Variants in WDR43 observed in about 807,000 individuals in gnomAD.
WDR43 encodes WD repeat-containing protein 43.
In WDR43, 13 loss-of-function variants were observed where a neutral mutation model predicts 91.4. The observed-to-expected ratio is 0.14, with a 90% CI of 0.09 to 0.23. The LOEUF (loss-of-function observed/expected upper bound fraction) is 0.23. WDR43 is among the 10% of genes least tolerant of loss of function. WDR43 has a pLI of 1.00. For missense variants in WDR43, 780 were observed against 809.4 expected (o/e 0.96, Z 0.44); for synonymous variants, 331 against 287.9 (o/e 1.15, Z -1.51).
rs182453338 is a variant in WDR43, at chr2:28,946,541, C to T, written c.1854+42C>T. 24 of 1,596,446 alleles carry T rather than the reference C, an allele frequency of 1.5e-5. No homozygotes were observed. The African/African-American group carries it at 3.2e-4, about 21-fold the overall frequency. On this transcript the variant is annotated intron_variant, in intron 17 of 17. Coordinates refer to ENST00000407426, the MANE Select transcript of WDR43 (RefSeq NM_015131.3). ...CTGTATATACATCGGCCTTTATATCCTCATACTCTGTAAGAATGAGACCTT... is the reference window on the plus strand; with the variant it reads ...CTGTATATACATCGGCCTTTATATCTTCATACTCTGTAAGAATGAGACCTT...
intron 1 of WDR43, among the ~76,000 whole-genome samples, chr2:28,896,449 A>G (rs987327644): frequency 6.6e-6 from 1 of 152,222 alleles, no homozygotes; most frequent in African/African-American, 2.4e-5. Context: ...TATTATTAAT[A>G]TCTGATATTT....
intron 3 of WDR43, 60 bp downstream of exon 3, chr2:28,906,641 G>A (rs1670687677): frequency 1.3e-6 from 2 of 1,560,076 alleles, no homozygotes; most frequent in Middle Eastern, 3.4e-4. Context: ...TGGACTTGTG[G>A]GGAATGCAGA....
intron 13 of WDR43, 118 bp from the exon 14 acceptor site, chr2:28,937,813 G>T: frequency 1.1e-6 from 1 of 913,210 alleles, no homozygotes; most frequent in Non-Finnish European, 1.7e-6. Context: ...ATTTATTACA[G>T]TCATTTTCAC....
At chr2:28,913,966 C>A in intron 4 of WDR43, 103 bp from the exon 5 acceptor site, 1 of 1,358,432 alleles carries the variant, frequency 7.4e-7, no homozygotes, top group Non-Finnish European at 1.0e-6. Flanking sequence ...TGGAGCTCTC[C>A]TTTCCGATAT....
At chr2:28,898,133 C>T (rs1378346450) in intron 1 of WDR43, among the ~76,000 whole-genome samples, 3 of 152,314 alleles carry the variant, frequency 2.0e-5, no homozygotes, top group East Asian at 3.9e-4. Context: ...GAAAGTCTTC[C>T]GACTTTTCTG....
In WDR43 at chr2:28,925,031, C is replaced by G. The variant is rs764602166; in HGVS notation, c.964C>G (p.Pro322Ala). Residue 322 changes from proline (P) to alanine (A), a missense_variant, in exon 8 of 18, where the codon CCT becomes GCT. By Grantham distance (27) the Pro-to-Ala change is conservative. Coordinates refer to ENST00000407426, the MANE Select transcript of WDR43 (RefSeq NM_015131.3). ...AAACTGCACAATTCAGATAGCAACA[C>G]CTGGGAAAGGCAAGAAGTCAACACC... is the stretch of plus-strand genomic sequence containing the variant. ...TSNCTIQIAT[P>A]GKGKKSTPKP... 3.1e-6 allele frequency: 5 copies of G among 1,613,854 alleles called. No individual in the cohort carries two copies. The South Asian group carries it at 4.4e-5, about 14-fold the overall frequency.
chr2:28,944,183 A>C (rs1671498469), intron 16 of WDR43, among the ~76,000 whole-genome samples: 1 of 152,236 alleles, frequency 6.6e-6, no homozygotes, highest in Non-Finnish European at 1.5e-5. Context: ...AGAAGTTTTT[A>C]ATAGTGCCAT....
intron 16 of WDR43, among the ~76,000 whole-genome samples, chr2:28,945,057 A>C (rs1407175875): frequency 6.6e-6 from 1 of 152,228 alleles, no homozygotes; most frequent in Non-Finnish European, 1.5e-5. Flanking sequence ...GTACATGTGT[A>C]ATTCATGGGT....
At chr2:28,911,623 C>A (rs1319630162) in intron 3 of WDR43, among the ~76,000 whole-genome samples, 1 of 150,010 alleles carries the variant, frequency 6.7e-6, no homozygotes, top group Non-Finnish European at 1.5e-5. Flanking sequence ...TATTCAGGTT[C>A]CTACTGTTAC....
chr2:28,911,654 CAG>C (rs1394843765), intron 3 of WDR43, among the ~76,000 whole-genome samples: 2 of 149,182 alleles, frequency 1.3e-5, no homozygotes, highest in East Asian at 2.0e-4. Flanking sequence ...TTTTTGGAGA[CAG>C]AGTCTTGCTC....
At chr2:28,923,067 C>T (rs1671066998) in intron 7 of WDR43, 84 bp downstream of exon 7, 2 of 1,125,050 alleles carry the variant, frequency 1.8e-6, no homozygotes, top group Middle Eastern at 2.7e-4. Flanking sequence ...TTATTCTTTG[C>T]ATCATATTAC....
In WDR43 at chr2:28,906,427, G is replaced by T. The variant is rs926060157; in HGVS notation, c.364-33G>T. The T allele has an allele frequency of 2.0e-6, 3 of 1,503,992 alleles. No individual in the cohort carries two copies. In the African/African-American group the frequency reaches 4.3e-5, roughly 22 times the overall value. The allele number at this position is 1,503,992 out of a possible 1,614,324, so 93.2% of individuals were successfully genotyped here. On this transcript the variant is annotated intron_variant, in intron 2 of 17. Transcript: ENST00000407426. ...ATTTGAGCCCAGGAGTTTGAGACCA[G>T]CCTTAAATTTTTTTTTTTTTTTTAA... is the stretch of plus-strand genomic sequence containing the variant.
At chr2:28,917,848 A>T in intron 5 of WDR43, 45 bp from the exon 6 acceptor site, 1 of 1,528,020 alleles carries the variant, frequency 6.5e-7, no homozygotes, top group Non-Finnish European at 8.8e-7. Flanking sequence ...TTAGGAAGAA[A>T]ATTAAATCTG....
At chr2:28,916,152 T>C (rs1670906024) in intron 5 of WDR43, among the ~76,000 whole-genome samples, 1 of 152,234 alleles carries the variant, frequency 6.6e-6, no homozygotes. Flanking sequence ...TCATGTCTTC[T>C]TGTAATCTCT....
intron 10 of WDR43, 51 bp downstream of exon 10, chr2:28,927,751 G>A: frequency 1.2e-6 from 2 of 1,606,028 alleles, no homozygotes; most frequent in Non-Finnish European, 1.7e-6. Flanking sequence ...TAAAATTACT[G>A]GGAAATTCTA....
Position 28,894,739 on chromosome 2 carries a change from C to T in WDR43, c.41C>T (p.Pro14Leu), listed in dbSNP as rs1290704371. 3.8e-6 allele frequency: 6 copies of T among 1,588,960 alleles called. No individual in the cohort carries two copies. Among genetic ancestry groups the T allele is most frequent in the South Asian group, 1.1e-5 (1 of 88,060 alleles). The change falls in exon 1 of 18, where the codon CCT becomes CTT. Residue 14 changes from proline to leucine, a missense_variant. By Grantham distance (98) the Pro-to-Leu change is moderately conservative (BLOSUM62 -3). Transcript: ENST00000407426. ...GGCGGTAGCTGCGACCCCCTGGCCC[C>T]TGCTGGGGTCCCTTGCGCCTTCTCC... The part of the protein sequence containing the change: ...GGGGSCDPLA[P>L]AGVPCAFSPH...
At position 28,914,925 on chromosome 2, in the gene WDR43, C is replaced by T. The variant is rs953251937; in HGVS notation, c.746+717C>T. On this transcript the variant is annotated intron_variant, in intron 5 of 17. Transcript: ENST00000407426. The stretch of plus-strand genomic sequence containing the variant: ...GCCTGGCGACAGAGCGAAACTCCAT[C>T]TCAAAAAATAAAAAATTTGGTGATA... 3.3e-5 allele frequency among the ~76,000 whole-genome samples: 5 copies of T among 152,022 alleles called. No homozygotes were observed. The East Asian group carries it at 9.6e-4, about 29-fold the overall frequency.
intron 4 of WDR43, 21 bp downstream of exon 4, chr2:28,912,731 G>C: frequency 6.2e-7 from 1 of 1,610,506 alleles, no homozygotes; most frequent in East Asian, 2.2e-5. Context: ...CAAATTATTT[G>C]TAAGCATAAA....
At chr2:28,933,115 C>T (rs62132026) in intron 11 of WDR43, among the ~76,000 whole-genome samples, 33 of 152,268 alleles carry the variant, frequency 2.2e-4, no homozygotes, top group Admixed American at 5.9e-4. Context: ...CAGTCCTTGT[C>T]AGCCACCTTC....
Sources: gnomAD v4.1 joint callset for allele counts (sites outside exome capture counted in the v4.1 genomes callset) on GRCh38, gnomAD v4.1.1 for gene constraint, MANE v1.5 for transcripts, NCBI Gene and HGNC (gene_info 2026-07-23, HGNC 2026-07-21) for gene names.